Variants in CYP2C18 observed in about 807,000 individuals in gnomAD.
CYP2C18 encodes the protein cytochrome P450 2C18.
CYP2C18 carries 38 observed loss-of-function variants against 41.3 expected under a neutral mutation model. The ratio of observed to expected loss-of-function variants is 0.92; its 90% CI spans 0.71 to 1.21. The LOEUF (loss-of-function observed/expected upper bound fraction) is 1.21, where lower values mean the gene tolerates loss of function less well. Among genes scored for constraint, CYP2C18 ranks in the 50% most tolerant of loss-of-function variants. The pLI, the probability that CYP2C18 is intolerant of heterozygous loss-of-function variation, is 0.00. For synonymous variants in CYP2C18, 236 were observed against 210.0 expected (o/e 1.12, Z -1.07); for missense variants, 635 against 591.4 (o/e 1.07, Z -0.77).
chr10:94,718,475 T>A (rs1589803555), intron 5 of CYP2C18, among the ~76,000 whole-genome samples: 1 of 152,190 alleles, frequency 6.6e-6, no homozygotes, highest in East Asian at 1.9e-4. Flanking sequence ...CTTCTCATAC[T>A]ATGTTGAATT....
intron 5 of CYP2C18, among the ~76,000 whole-genome samples, chr10:94,709,326 G>A (rs1437340264): frequency 2.0e-5 from 3 of 152,048 alleles, no homozygotes; most frequent in Non-Finnish European, 4.4e-5. Context: ...GGGTTGAGGT[G>A]GTTCCATGTG....
chr10:94,719,161 C>T (rs1383020835), intron 5 of CYP2C18, among the ~76,000 whole-genome samples: 1 of 151,984 alleles, frequency 6.6e-6, no homozygotes, highest in African/African-American at 2.4e-5. Context: ...AATTGCAAAC[C>T]CTTGATTCTT....
rs1847026329 is a variant in CYP2C18 at position 94,692,645 on chromosome 10, A to G, written c.482-2272A>G. Among the ~76,000 whole-genome samples, 3 of 151,708 alleles carry G rather than the reference A, an allele frequency of 2.0e-5. No homozygotes were observed. In the South Asian group the frequency reaches 6.2e-4, roughly 32 times the overall value. On this transcript the variant is annotated intron_variant, in intron 3 of 8. Transcript: ENST00000285979. ...TCAGGGATCTAGAACTAGAAATGCC[A>G]TATGACCCAGCCATCCCATTACTGG... is the stretch of plus-strand genomic sequence containing the variant.
intron 5 of CYP2C18, among the ~76,000 whole-genome samples, chr10:94,716,106 C>T (rs1199885330): frequency 2.6e-5 from 4 of 152,024 alleles, no homozygotes; most frequent in African/African-American, 9.6e-5. Context: ...AGTGGTCTAT[C>T]AATTTTGTTG....
intron 5 of CYP2C18, among the ~76,000 whole-genome samples, chr10:94,707,555 A>G (rs1284406786): frequency 6.6e-6 from 1 of 152,170 alleles, no homozygotes; most frequent in Non-Finnish European, 1.5e-5. Flanking sequence ...GTGATCAGGT[A>G]TATGTGTGAG....
rs143116605 is a variant in CYP2C18, at chr10:94,718,769, C to G, written c.820-1627C>G. ...CACTAATATAATACTGGTACTTTTTCCAGTGGTCTAGAGAGAGACTCCTGT... is the reference window on the plus strand; with the variant it reads ...CACTAATATAATACTGGTACTTTTTGCAGTGGTCTAGAGAGAGACTCCTGT... On this transcript the variant is annotated intron_variant, in intron 5 of 8. Transcript: ENST00000285979. Among the ~76,000 whole-genome samples, 16 of 152,182 alleles carry G rather than the reference C, an allele frequency of 1.1e-4. No homozygotes were observed. In the East Asian group the frequency reaches 3.1e-3, roughly 29 times the overall value.
intron 5 of CYP2C18, among the ~76,000 whole-genome samples, chr10:94,714,856 A>T (rs998858529): frequency 1.3e-5 from 2 of 152,056 alleles, no homozygotes; most frequent in African/African-American, 4.8e-5. Context: ...TATTTCATTG[A>T]GCAGTGGTTT....
intron 5 of CYP2C18, among the ~76,000 whole-genome samples, chr10:94,717,437 A>G (rs1359416805): frequency 6.6e-6 from 1 of 152,118 alleles, no homozygotes; most frequent in Non-Finnish European, 1.5e-5. Flanking sequence ...TCCTTCACTT[A>G]TGAAGTTTAG....
intron 4 of CYP2C18, among the ~76,000 whole-genome samples, chr10:94,703,438 G>C (rs146383124): frequency 9.8e-5 from 15 of 152,338 alleles, no homozygotes; most frequent in African/African-American, 3.6e-4. Context: ...TGCCCAGAGA[G>C]GAGGAGTCTA....
At position 94,720,412 on chromosome 10, in the gene CYP2C18, A is replaced by C. The variant is rs775506790; in HGVS notation, c.836A>C (p.Gln279Pro). The change falls in exon 6 of 9, where the codon CAG (glutamine) becomes CCG (proline). Residue 279 changes from glutamine (Q) to proline (P), a missense_variant. Coordinates refer to ENST00000285979, the MANE Select transcript of CYP2C18 (RefSeq NM_000772.3). The stretch of plus-strand genomic sequence containing the variant: ...ATTTTTTAGGAAAAGCACAATCAAC[A>C]GTCTGAATTTACTGTTGAAAGCTTG... ...IKMEQEKHNQ[Q>P]SEFTVESLIA... is the part of the protein sequence containing the mutation. The C allele has an allele frequency of 2.5e-6, 4 of 1,609,664 alleles. No individual in the cohort carries two copies. Among genetic ancestry groups the C allele is most frequent in the East Asian group, 2.2e-5 (1 of 44,728 alleles).
chr10:94,701,429 C>T (rs1294176006), intron 4 of CYP2C18, among the ~76,000 whole-genome samples: 17 of 151,658 alleles, frequency 1.1e-4, no homozygotes, highest in African/African-American at 3.1e-4. Flanking sequence ...TGAGAACACA[C>T]GGACACGGGA....
intron 3 of CYP2C18, among the ~76,000 whole-genome samples, chr10:94,692,519 C>CA (rs1847022081): frequency 1.3e-5 from 2 of 152,086 alleles, no homozygotes; most frequent in Non-Finnish European, 1.5e-5. Context: ...AGTCAGGAAG[C>CA]AACAGGTGCT....
chr10:94,712,474 G>C (rs1042132450), intron 5 of CYP2C18, among the ~76,000 whole-genome samples: 35 of 151,858 alleles, frequency 2.3e-4, no homozygotes, highest in East Asian at 1.9e-4. Context: ...ACTTTACTTA[G>C]CATAATGTTC....
At chr10:94,706,751 GTTTAA>G (rs760574386) in intron 4 of CYP2C18, 28 bp from the exon 5 acceptor site, 10 of 1,292,318 alleles carry the variant, frequency 7.7e-6, no homozygotes, top group Middle Eastern at 2.6e-4. Flanking sequence ...CAATACATGT[GTTTAA>G]TTTAATTAAT....
chr10:94,728,710 C>A, intron 7 of CYP2C18: 1 of 505,326 alleles, frequency 2.0e-6, no homozygotes, highest in South Asian at 8.5e-5. Flanking sequence ...TTTTAAAAAA[C>A]CCTATGAACA....
At chr10:94,697,866 G>T (rs1287895328) in intron 4 of CYP2C18, among the ~76,000 whole-genome samples, 4 of 152,184 alleles carry the variant, frequency 2.6e-5, no homozygotes, top group African/African-American at 9.6e-5. Context: ...AACCAACAAA[G>T]ATCAAAAGAG....
chr10:94,724,163 C>T (rs1170807149), intron 6 of CYP2C18, among the ~76,000 whole-genome samples, 183 bp from the exon 7 acceptor site: 1 of 151,542 alleles, frequency 6.6e-6, no homozygotes, highest in African/African-American at 2.4e-5. Context: ...TAATACTTAG[C>T]TTGTAGGAGA....
At chr10:94,726,809 T>C (rs1188524142) in intron 7 of CYP2C18, among the ~76,000 whole-genome samples, 1 of 152,174 alleles carries the variant, frequency 6.6e-6, no homozygotes, top group African/African-American at 2.4e-5. Context: ...TTAGTTGCTA[T>C]TCTGCAAGCT....
At chr10:94,715,844 A>G (rs1191543530) in intron 5 of CYP2C18, among the ~76,000 whole-genome samples, 3 of 151,926 alleles carry the variant, frequency 2.0e-5, no homozygotes, top group Admixed American at 2.0e-4. Context: ...GCTCTTAATT[A>G]TTGCCTGAAT....
Sources: allele counts gnomAD v4.1 joint callset (sites outside exome capture counted in the v4.1 genomes callset), GRCh38; gene constraint gnomAD v4.1.1; transcripts MANE v1.5; gene names NCBI Gene and HGNC (gene_info 2026-07-23, HGNC 2026-07-21).